The following SHMT1 variants were observed in gnomAD, a reference collection of about 807,000 sequenced individuals.
SHMT1 encodes the protein serine hydroxymethyltransferase, cytosolic.
Under a neutral mutation model 49.0 loss-of-function variants are expected in SHMT1, and 45 were observed. The observed-to-expected ratio is 0.92, with a 90% CI of 0.72 to 1.18. SHMT1 has a LOEUF of 1.18. SHMT1 is among the 50% of genes most tolerant of loss of function. The pLI is 0.00. For synonymous variants in SHMT1, 232 were observed against 246.6 expected (o/e 0.94, Z 0.55); for missense variants, 541 against 612.4 (o/e 0.88, Z 1.23).
intron 1 of SHMT1, among the ~76,000 whole-genome samples, chr17:18,361,477 C>CAA (rs568990517): frequency 3.7e-5 from 5 of 136,036 alleles, no homozygotes; most frequent in African/African-American, 5.4e-5. Flanking sequence ...GACTCCGTTT[C>CAA]AAAAAAAAAA....
At chr17:18,331,502 A>G (rs1983205547) in intron 9 of SHMT1, 1 of 152,888 alleles carries the variant, frequency 6.5e-6, no homozygotes, top group South Asian at 2.1e-4. Flanking sequence ...TTCTCATAGC[A>G]CCAGGCACCA....
At chr17:18,347,018 G>A (rs560927353) in intron 5 of SHMT1, among the ~76,000 whole-genome samples, 1 of 152,360 alleles carries the variant, frequency 6.6e-6, no homozygotes, top group East Asian at 1.9e-4. Context: ...GACTGTGGCT[G>A]TGGATGGTGC....
chr17:18,348,889 G>C (rs1985387728), intron 3 of SHMT1, among the ~76,000 whole-genome samples: 1 of 150,514 alleles, frequency 6.6e-6, no homozygotes, highest in Non-Finnish European at 1.5e-5. Context: ...GAGAAGGGAA[G>C]ATTCACTTTG....
chr17:18,336,931 G>C (rs1053147248), intron 7 of SHMT1, among the ~76,000 whole-genome samples: 3 of 152,182 alleles, frequency 2.0e-5, no homozygotes, highest in African/African-American at 7.2e-5. Flanking sequence ...GAGTGACAGA[G>C]TGAGACCCTG....
At chr17:18,353,537 G>T in intron 3 of SHMT1, 135 bp downstream of exon 3, 1 of 906,486 alleles carries the variant, frequency 1.1e-6, no homozygotes, top group Non-Finnish European at 1.9e-6. Context: ...TTCTGTCAGA[G>T]AGCAGGCGTG....
intron 8 of SHMT1, 68 bp downstream of exon 8, chr17:18,335,491 C>T (rs927049737): frequency 9.7e-6 from 11 of 1,136,770 alleles, no homozygotes; most frequent in African/African-American, 6.1e-5. Flanking sequence ...TCCTGGCACA[C>T]GATTTTGGAG....
intron 9 of SHMT1, chr17:18,330,974 G>A (rs1331699353): frequency 9.5e-6 from 4 of 419,136 alleles, no homozygotes; most frequent in Non-Finnish European, 1.8e-5. Flanking sequence ...AGTTGCTTGG[G>A]CAATTCCCTA....
intron 3 of SHMT1, among the ~76,000 whole-genome samples, chr17:18,351,308 T>C (rs1985669978): frequency 6.6e-6 from 1 of 151,274 alleles, no homozygotes; most frequent in African/African-American, 2.4e-5. Context: ...ACCTGGCTAA[T>C]TTTTTTGTAT....
At chr17:18,337,696 C>G (rs962793477) in intron 7 of SHMT1, among the ~76,000 whole-genome samples, 36 of 152,236 alleles carry the variant, frequency 2.4e-4, no homozygotes, top group African/African-American at 7.0e-4. Flanking sequence ...CTCAGCCTGC[C>G]GAGTGCCTGG....
chr17:18,343,643 G>A (rs1984772152), intron 5 of SHMT1, among the ~76,000 whole-genome samples: 1 of 146,252 alleles, frequency 6.8e-6, no homozygotes, highest in Non-Finnish European at 1.5e-5. Flanking sequence ...GGGTCAGCCG[G>A]ATGCGGTGGC....
chr17:18,332,975 A>C, intron 9 of SHMT1, 191 bp downstream of exon 9: 5 of 703,716 alleles, frequency 7.1e-6, no homozygotes, highest in South Asian at 3.0e-5. Flanking sequence ...GGCTCACCCA[A>C]GGGGGCGGCT....
At chr17:18,351,938 T>C (rs1985752199) in intron 3 of SHMT1, among the ~76,000 whole-genome samples, 2 of 152,210 alleles carry the variant, frequency 1.3e-5, no homozygotes, top group African/African-American at 4.8e-5. Context: ...TTTGATCTCC[T>C]GGGCTCAAGC....
At chr17:18,357,648 A>G (rs558324859) in intron 1 of SHMT1, among the ~76,000 whole-genome samples, 1 of 152,210 alleles carries the variant, frequency 6.6e-6, no homozygotes, top group Non-Finnish European at 1.5e-5. Context: ...ATACATAAGG[A>G]CCTCATTTTA....
chr17:18,361,308 A>C (rs1336263778), intron 1 of SHMT1, among the ~76,000 whole-genome samples: 2 of 150,074 alleles, frequency 1.3e-5, no homozygotes, highest in Middle Eastern at 3.4e-3. Context: ...CAAAAAAAAA[A>C]AAAAAAACAA....
intron 1 of SHMT1, among the ~76,000 whole-genome samples, chr17:18,358,852 G>A (rs377681958): frequency 7.2e-5 from 11 of 152,302 alleles, no homozygotes; most frequent in African/African-American, 2.2e-4. Context: ...GCAATGAGCC[G>A]TGATTGTGGC....
chr17:18,329,349 C>T lies in SHMT1; in HGVS notation c.1211G>A (p.Gly404Glu), dbSNP rs1161616624. Residue 404 changes from glycine (G) to glutamate (E), a missense_variant, in exon 11 of 12, where the codon GGG becomes GAG. Coordinates refer to ENST00000316694, the MANE Select transcript of SHMT1 (RefSeq NM_004169.5). ...TCCACGGGACGTCAGTGCTGGGGTC[C>T]CCAGCCGCAGTCCACTGGGCCGCAG... The part of the protein sequence containing the change: ...SALRPSGLRL[G>E]TPALTSRGLL... 1 of 1,612,840 alleles carries T rather than the reference C, an allele frequency of 6.2e-7. No individual in the cohort carries two copies. Among genetic ancestry groups the T allele is most frequent in the Non-Finnish European group, 8.5e-7 (1 of 1,180,022 alleles).
intron 7 of SHMT1, among the ~76,000 whole-genome samples, chr17:18,338,764 T>G (rs1250500304): frequency 2.0e-5 from 3 of 152,188 alleles, no homozygotes; most frequent in African/African-American, 7.2e-5. Flanking sequence ...CCGTGCTCTC[T>G]GAAACATGTG....
chr17:18,357,999 GAA>G (rs1261488939), intron 1 of SHMT1, among the ~76,000 whole-genome samples: 1 of 150,354 alleles, frequency 6.7e-6, no homozygotes, highest in Non-Finnish European at 1.5e-5. Context: ...AAGTAGCCAG[GAA>G]CACAGGCACC....
rs567057126 is a variant in SHMT1, at chr17:18,350,862, A to G, written c.243-2422T>C. On this transcript the variant is annotated intron_variant, in intron 3 of 11. Coordinates refer to ENST00000316694, the MANE Select transcript of SHMT1 (RefSeq NM_004169.5). The stretch of plus-strand genomic sequence containing the variant: ...ATTCTCCTACCTCAGCCTCCAGAGT[A>G]GCTGGGATTACAGGCACGCACCTCC... Among the ~76,000 whole-genome samples, 19 of 151,120 alleles carry G rather than the reference A, an allele frequency of 1.3e-4. No homozygotes were observed. In the East Asian group the frequency reaches 3.4e-3, roughly 27 times the overall value.
Sources: gnomAD v4.1 joint callset for allele counts (sites outside exome capture counted in the v4.1 genomes callset) on GRCh38, gnomAD v4.1.1 for gene constraint, MANE v1.5 for transcripts, NCBI Gene and HGNC (gene_info 2026-07-23, HGNC 2026-07-21) for gene names.